RANBP9: variants seen among roughly 807,000 people sequenced by gnomAD.
RANBP9 encodes the protein RAN binding protein 9.
A neutral mutation model predicts 84.3 loss-of-function variants in RANBP9; 15 were observed. That is an observed-to-expected ratio of 0.18 (90% CI 0.12 to 0.27). The LOEUF (loss-of-function observed/expected upper bound fraction) is 0.27. Among genes scored for constraint, RANBP9 ranks in the 10% least tolerant of loss-of-function variants. The pLI is 1.00. For synonymous variants in RANBP9, 392 were observed against 349.6 expected (o/e 1.12, Z -1.35); for missense variants, 809 against 912.8 (o/e 0.89, Z 1.46).
intron 5 of RANBP9, 74 bp from the exon 6 acceptor site, chr6:13,644,803 TAAAAG>T (rs1233529903): frequency 1.1e-5 from 13 of 1,202,032 alleles, no homozygotes; most frequent in African/African-American, 1.6e-5. Flanking sequence ...ATGTTACATT[TAAAAG>T]AATAGAACTA....
chr6:13,664,850 A>G (rs1218709995), intron 2 of RANBP9, among the ~76,000 whole-genome samples: 2 of 152,206 alleles, frequency 1.3e-5, no homozygotes, highest in East Asian at 1.9e-4. Flanking sequence ...AAGTTACACA[A>G]TCTGACTTCA....
chr6:13,647,905 T>G (rs1765208788), intron 5 of RANBP9, among the ~76,000 whole-genome samples: 1 of 152,140 alleles, frequency 6.6e-6, no homozygotes, highest in African/African-American at 2.4e-5. Flanking sequence ...ATTACAGATT[T>G]TAAAAAACAA....
At chr6:13,648,707 CTCTT>C (rs1340768434) in intron 5 of RANBP9, among the ~76,000 whole-genome samples, 1 of 152,166 alleles carries the variant, frequency 6.6e-6, no homozygotes, top group Admixed American at 6.5e-5. Context: ...TACATTCGAT[CTCTT>C]TTAATAAAAA....
In RANBP9 at chr6:13,711,212, G is replaced by C. The variant is rs1162350480; in HGVS notation, c.294C>G (p.Pro98=). 8.5e-7 allele frequency: 1 copy of C among 1,176,826 alleles called. No individual in the cohort carries two copies. The highest frequency in any genetic ancestry group is 1.0e-6 in the Non-Finnish European group (1 of 952,396). The allele number at this position is 1,176,826 out of a possible 1,614,324, so 72.9% of individuals were successfully genotyped here. Residue 98 remains proline, a synonymous_variant, in exon 1 of 14, where the codon CCC becomes CCG. Coordinates refer to ENST00000011619, the MANE Select transcript of RANBP9 (RefSeq NM_005493.3). ...CCGGGGGAGCGGGCGGCCCGCTGGCGGGGGCAGCCGCTGAGGCAGGGGGAG... is the reference window on the plus strand; with the variant it reads ...CCGGGGGAGCGGGCGGCCCGCTGGCCGGGGCAGCCGCTGAGGCAGGGGGAG... ...PPPPPASAAA[P]ASGPPAPPGL...
At chr6:13,690,707 A>T (rs204225) in intron 2 of RANBP9, among the ~76,000 whole-genome samples, 137,983 of 152,284 alleles carry the variant, frequency 0.91, 62,770 homozygotes, top group East Asian at 1. Flanking sequence ...TAGAATTAAC[A>T]GTATGTCCAC....
At chr6:13,641,105 TA>T in intron 8 of RANBP9, 93 bp downstream of exon 8, 1 of 831,704 alleles carries the variant, frequency 1.2e-6, no homozygotes, top group Non-Finnish European at 1.7e-6. Flanking sequence ...CGAAAAAAAC[TA>T]AAATTACAAA....
At chr6:13,624,069 A>G (rs1357779034) in intron 13 of RANBP9, among the ~76,000 whole-genome samples, 1 of 152,222 alleles carries the variant, frequency 6.6e-6, no homozygotes, top group East Asian at 1.9e-4. Context: ...ACTTTTACCA[A>G]CGGAGCTAAA....
At chr6:13,628,417 T>C (rs2127759777) in intron 12 of RANBP9, among the ~76,000 whole-genome samples, 1 of 152,276 alleles carries the variant, frequency 6.6e-6, no homozygotes, top group East Asian at 1.9e-4. Flanking sequence ...GAAAAAAGCA[T>C]GGTTGGAAAC....
chr6:13,670,924 A>G (rs2113308008), intron 2 of RANBP9, among the ~76,000 whole-genome samples: 1 of 152,302 alleles, frequency 6.6e-6, no homozygotes, highest in East Asian at 1.9e-4. Context: ...ATATATGCAA[A>G]TCATATATCT....
intron 4 of RANBP9, among the ~76,000 whole-genome samples, chr6:13,654,577 G>A (rs1008378991): frequency 3.3e-5 from 5 of 152,134 alleles, no homozygotes; most frequent in African/African-American, 1.2e-4. Context: ...ATTTTATCTT[G>A]GAAGATGCCA....
chr6:13,669,593 T>C (rs1168038300), intron 2 of RANBP9, among the ~76,000 whole-genome samples: 1 of 152,168 alleles, frequency 6.6e-6, no homozygotes, highest in African/African-American at 2.4e-5. Flanking sequence ...TTAATTTTGT[T>C]ATTGTTGTTG....
At chr6:13,710,244 A>G (rs901350861) in intron 1 of RANBP9, among the ~76,000 whole-genome samples, 1 of 152,148 alleles carries the variant, frequency 6.6e-6, no homozygotes, top group Non-Finnish European at 1.5e-5. Context: ...TTCGTTTTCA[A>G]CAAGACTTCA....
chr6:13,698,793 C>T (rs1352461244), intron 1 of RANBP9, among the ~76,000 whole-genome samples: 1 of 152,034 alleles, frequency 6.6e-6, no homozygotes, highest in Non-Finnish European at 1.5e-5. Context: ...TAATGAAACT[C>T]GCCCAAAGTC....
At chr6:13,622,921 G>A (rs1764494551) in intron 13 of RANBP9, among the ~76,000 whole-genome samples, 1 of 152,118 alleles carries the variant, frequency 6.6e-6, no homozygotes, top group Non-Finnish European at 1.5e-5. Flanking sequence ...TTCCACCTCT[G>A]TGGATAGGAC....
chr6:13,690,616 G>A (rs988063420), intron 2 of RANBP9, among the ~76,000 whole-genome samples: 2 of 152,116 alleles, frequency 1.3e-5, no homozygotes, highest in Non-Finnish European at 2.9e-5. Flanking sequence ...TCAATATTTT[G>A]TTTGAAGAGC....
intron 2 of RANBP9, among the ~76,000 whole-genome samples, chr6:13,664,081 G>A (rs558352930): frequency 6.6e-6 from 1 of 152,174 alleles, no homozygotes; most frequent in South Asian, 2.1e-4. Context: ...AAGAAATAAA[G>A]CTGGCTCTAT....
chr6:13,685,774 A>G (rs1273291553), intron 2 of RANBP9, among the ~76,000 whole-genome samples: 1 of 151,950 alleles, frequency 6.6e-6, no homozygotes, highest in Non-Finnish European at 1.5e-5. Context: ...CTGAAAATAC[A>G]AAAAGTAGCT....
intron 5 of RANBP9, among the ~76,000 whole-genome samples, chr6:13,649,847 C>T (rs1484636814): frequency 1.3e-5 from 2 of 152,156 alleles, no homozygotes; most frequent in African/African-American, 2.4e-5. Context: ...TGTCTCCATC[C>T]CACAGCTGAA....
chr6:13,679,813 T>C (rs1292649696), intron 2 of RANBP9, among the ~76,000 whole-genome samples: 1 of 152,154 alleles, frequency 6.6e-6, no homozygotes, highest in East Asian at 1.9e-4. Flanking sequence ...GAGATGCGTT[T>C]TACTGTTTTG....
Sources: gnomAD v4.1 joint callset for allele counts (sites outside exome capture counted in the v4.1 genomes callset) on GRCh38, gnomAD v4.1.1 for gene constraint, MANE v1.5 for transcripts, NCBI Gene and HGNC (gene_info 2026-07-23, HGNC 2026-07-21) for gene names.